PHKA2: variants seen among roughly 807,000 people sequenced by gnomAD.
PHKA2 encodes the protein phosphorylase kinase regulatory subunit alpha 2.
In PHKA2, 31 loss-of-function variants were observed where a neutral mutation model predicts 102.0. The observed-to-expected ratio is 0.30, with a 90% CI of 0.23 to 0.41. The LOEUF (loss-of-function observed/expected upper bound fraction) is 0.41, where lower values mean the gene tolerates loss of function less well. Ranked by LOEUF, PHKA2 falls within the 10% of genes least tolerant of loss-of-function variation. The pLI is 1.00. For synonymous variants in PHKA2, 455 were observed against 416.2 expected, an observed-to-expected ratio of 1.09 and a Z score of -1.13; for missense variants, 858 against 1,023.1, an observed-to-expected ratio of 0.84 and a Z score of 2.20.
At chrX:18,934,097 C>T (rs1333366232) in intron 11 of PHKA2, among the ~76,000 whole-genome samples, 2 of 111,889 alleles carry the variant, frequency 1.8e-5, no homozygotes, top group South Asian at 3.7e-4. Context: ...TCGGTTTTCC[C>T]GAATGCCTCA....
At chrX:18,931,543 T>A in intron 12 of PHKA2, 98 bp downstream of exon 12, 2 of 631,714 alleles carry the variant, frequency 3.2e-6, no homozygotes, top group Non-Finnish European at 5.4e-6. Context: ...GCAAAAGACA[T>A]CCACACGCAC....
chrX:18,978,129 C>T (rs1349482871), intron 1 of PHKA2, among the ~76,000 whole-genome samples: 1 of 110,275 alleles, frequency 9.1e-6, no homozygotes, highest in African/African-American at 3.3e-5. Flanking sequence ...TGCACTCCAC[C>T]CTGGGTGACA....
At chrX:18,981,335 C>T (rs2049168440) in intron 1 of PHKA2, among the ~76,000 whole-genome samples, 1 of 111,590 alleles carries the variant, frequency 9.0e-6, no homozygotes, top group Non-Finnish European at 1.9e-5. Flanking sequence ...AGAGGGCAAA[C>T]ATGAGGGCTA....
At chrX:18,961,495 TA>T (rs1358040074) in intron 1 of PHKA2, among the ~76,000 whole-genome samples, 1 of 108,687 alleles carries the variant, frequency 9.2e-6, no homozygotes, top group Non-Finnish European at 1.9e-5. Flanking sequence ...CTGTCTCTAC[TA>T]AAAATGCAAA....
chrX:18,905,917 G>C, intron 25 of PHKA2, 58 bp from the exon 26 acceptor site: 4 of 863,326 alleles, frequency 4.6e-6, no homozygotes, highest in Non-Finnish European at 5.2e-6. Context: ...GGTAAAGGTA[G>C]GGTCAGGTGG....
chrX:18,902,181 C>T (rs531236537), intron 26 of PHKA2, among the ~76,000 whole-genome samples: 1 of 109,387 alleles, frequency 9.1e-6, no homozygotes, highest in South Asian at 4.0e-4. Flanking sequence ...TTGCTCTGTT[C>T]CCGAGGCTGG....
chrX:18,975,487 T>C (rs1433885492), intron 1 of PHKA2, among the ~76,000 whole-genome samples: 1 of 111,833 alleles, frequency 8.9e-6, no homozygotes, highest in Admixed American at 9.5e-5. Context: ...GGCATGTCTT[T>C]ATCAGCAGCA....
chrX:18,970,742 C>A (rs2148030099), intron 1 of PHKA2, among the ~76,000 whole-genome samples: 1 of 111,920 alleles, frequency 8.9e-6, no homozygotes, highest in Non-Finnish European at 1.9e-5. Context: ...GTGATTGTAC[C>A]AATTAACAGT....
At chrX:18,901,130 C>T (rs1024652991) in intron 27 of PHKA2, among the ~76,000 whole-genome samples, 7 of 109,034 alleles carry the variant, frequency 6.4e-5, no homozygotes, top group East Asian at 2.9e-4. Flanking sequence ...CTTGCTATTT[C>T]GTTTGAAGGA....
chrX:18,959,211 A>G (rs1455735519), intron 1 of PHKA2, among the ~76,000 whole-genome samples: 1 of 112,298 alleles, frequency 8.9e-6, no homozygotes, highest in East Asian at 2.8e-4. Flanking sequence ...TCATAGGGTT[A>G]TTTGTGAAGA....
At chrX:18,930,869 G>C (rs1486467545) in intron 12 of PHKA2, among the ~76,000 whole-genome samples, 3 of 110,311 alleles carry the variant, frequency 2.7e-5, no homozygotes, top group Non-Finnish European at 1.9e-5. Flanking sequence ...GTGGCATGCT[G>C]ACCCACCACC....
In PHKA2 at chrX:18,898,077, G is replaced by A. The variant is rs1488269950; in HGVS notation, c.3112-744C>T. The A allele has an allele frequency of 2.7e-5, 3 of 113,001 alleles. No individual in the cohort carries two copies. In the East Asian group the frequency reaches 8.4e-4, roughly 32 times the overall value. The allele number at this position is 113,001 out of a possible 1,213,427, so 9.3% of individuals were successfully genotyped here. On this transcript the variant is annotated intron_variant, in intron 29 of 32. Coordinates refer to ENST00000379942, the MANE Select transcript of PHKA2 (RefSeq NM_000292.3). ...AGACAAACAGTGAAGCCCGCGTTTA[G>A]TGGCGAGGACCTCGCAGATCAGGGT...
intron 3 of PHKA2, 152 bp downstream of exon 3, chrX:18,952,342 A>G: frequency 2.1e-6 from 1 of 485,810 alleles, no homozygotes; most frequent in South Asian, 3.1e-5. Flanking sequence ...AAAAAAAAAA[A>G]AAAAAAAAAG....
intron 29 of PHKA2, 63 bp from the exon 30 acceptor site, chrX:18,897,396 C>T: frequency 1.8e-6 from 2 of 1,099,502 alleles, no homozygotes; most frequent in South Asian, 4.0e-5. Flanking sequence ...GAAAGTGCGC[C>T]ATCTCGAAGG....
At chrX:18,958,501 C>T (rs1226909300) in intron 1 of PHKA2, among the ~76,000 whole-genome samples, 1 of 111,277 alleles carries the variant, frequency 9.0e-6, no homozygotes, top group East Asian at 2.8e-4. Flanking sequence ...CATAACTATT[C>T]GCTATCTCTG....
intron 1 of PHKA2, among the ~76,000 whole-genome samples, chrX:18,970,616 A>C (rs976605901): frequency 8.9e-6 from 1 of 112,191 alleles, no homozygotes; most frequent in African/African-American, 3.2e-5. Flanking sequence ...GTCCTTGTAC[A>C]TGTTTCCTTG....
chrX:18,930,165 G>A (rs1273010625), intron 12 of PHKA2, among the ~76,000 whole-genome samples: 2 of 112,082 alleles, frequency 1.8e-5, no homozygotes, highest in Non-Finnish European at 3.8e-5. Context: ...AAGTATATCT[G>A]CATGCCCTTT....
Position 18,980,386 on chromosome X carries a change from C to A in PHKA2, c.78+3469G>T, listed in dbSNP as rs1036939290. Among the ~76,000 whole-genome samples the A allele has an allele frequency of 2.7e-5, 3 of 112,666 alleles. No homozygotes were observed. In the Admixed American group the frequency reaches 2.8e-4, roughly 11 times the overall value. ...GGGAACTGAATGTCTCTGTATAAAACCCGATTGTACATTTGTTCTATTCTG... is the reference window on the plus strand; with the variant it reads ...GGGAACTGAATGTCTCTGTATAAAAACCGATTGTACATTTGTTCTATTCTG... On this transcript the variant is annotated intron_variant, in intron 1 of 32. Transcript: ENST00000379942.
In PHKA2 at chrX:18,910,909, A is replaced by C; in HGVS notation, c.2189T>G (p.Leu730Arg). 5.0e-6 allele frequency: 6 copies of C among 1,195,435 alleles called. No individual in the cohort carries two copies. Among genetic ancestry groups the C allele is most frequent in the Non-Finnish European group, 6.8e-6 (6 of 882,609 alleles). Residue 730 changes from leucine (L) to arginine (R), a missense_variant, in exon 20 of 33, where the codon CTG becomes CGG. Coordinates refer to ENST00000379942, the MANE Select transcript of PHKA2 (RefSeq NM_000292.3). ...TKVLSAHRKS[L>R]NLVDSPQPLL... is the part of the protein sequence containing the mutation. Reference sequence around the variant, plus strand: ...TGGCTGAGGAGAATCAACAAGATTCAGTGATTTACGGTGGGCACTTAGAAC... The same window carrying C: ...TGGCTGAGGAGAATCAACAAGATTCCGTGATTTACGGTGGGCACTTAGAAC...
Sources: allele counts gnomAD v4.1 joint callset (sites outside exome capture counted in the v4.1 genomes callset), GRCh38; gene constraint gnomAD v4.1.1; transcripts MANE v1.5; gene names NCBI Gene and HGNC (gene_info 2026-07-23, HGNC 2026-07-21).